The following PACSIN2 variants were observed in gnomAD, a reference collection of about 807,000 sequenced individuals.
PACSIN2 encodes the protein protein kinase C and casein kinase substrate in neurons 2.
In PACSIN2, 25 loss-of-function variants were observed where a neutral mutation model predicts 63.8. The observed-to-expected ratio is 0.39, with a 90% CI of 0.29 to 0.55. The LOEUF is 0.55. Among genes scored for constraint, PACSIN2 ranks in the 20% least tolerant of loss-of-function variants. The pLI, the probability that PACSIN2 is intolerant of heterozygous loss-of-function variation, is 0.62. For missense variants in PACSIN2, 518 were observed against 646.9 expected, an observed-to-expected ratio of 0.80 and a Z score of 2.16; for synonymous variants, 255 against 256.2, an observed-to-expected ratio of 1.00 and a Z score of 0.05.
At chr22:42,969,723 G>A (rs766309322) in intron 1 of PACSIN2, among the ~76,000 whole-genome samples, 1 of 151,884 alleles carries the variant, frequency 6.6e-6, no homozygotes, top group Non-Finnish European at 1.5e-5. Flanking sequence ...ATGATCGCTC[G>A]AGTCCACGTG....
intron 10 of PACSIN2, among the ~76,000 whole-genome samples, chr22:42,874,146 C>T: frequency 6.6e-6 from 1 of 151,848 alleles, no homozygotes; most frequent in East Asian, 1.9e-4. Flanking sequence ...ACTGCAAATG[C>T]ATTAAAAAAG....
At chr22:42,983,964 CTTTTT>C (rs532427677) in intron 1 of PACSIN2, among the ~76,000 whole-genome samples, 166 of 104,590 alleles carry the variant, frequency 1.6e-3, no homozygotes, top group South Asian at 9.1e-3. Context: ...GCACTTAGCA[CTTTTT>C]TTTTTTTTTT....
At chr22:43,007,368 A>AC (rs1260552561) in intron 1 of PACSIN2, among the ~76,000 whole-genome samples, 1 of 151,788 alleles carries the variant, frequency 6.6e-6, no homozygotes, top group Non-Finnish European at 1.5e-5. Context: ...GTCACAAACC[A>AC]CCACGCCCAG....
At chr22:42,898,498 C>T (rs1466106483) in intron 2 of PACSIN2, among the ~76,000 whole-genome samples, 3 of 152,096 alleles carry the variant, frequency 2.0e-5, no homozygotes, top group East Asian at 1.9e-4. Flanking sequence ...CTCAAACTCC[C>T]GAACTCAGGT....
At chr22:42,932,751 TAA>T (rs552740061) in intron 1 of PACSIN2, among the ~76,000 whole-genome samples, 6 of 136,710 alleles carry the variant, frequency 4.4e-5, no homozygotes, top group Admixed American at 7.2e-5. Flanking sequence ...AAGTCAATTC[TAA>T]AAAAAAAAAA....
intron 1 of PACSIN2, among the ~76,000 whole-genome samples, chr22:42,979,101 G>A (rs531705139): frequency 6.6e-6 from 1 of 152,282 alleles, no homozygotes; most frequent in African/African-American, 2.4e-5. Flanking sequence ...CCATTGCCTA[G>A]GAGAAACAGC....
chr22:42,959,870 T>G (rs924203492), intron 1 of PACSIN2: 5 of 152,316 alleles, frequency 3.3e-5, no homozygotes, highest in African/African-American at 1.2e-4. Context: ...CCTGCTGGCA[T>G]GTCTGACCTC....
At chr22:42,970,624 C>T (rs558339612) in intron 1 of PACSIN2, among the ~76,000 whole-genome samples, 2 of 152,134 alleles carry the variant, frequency 1.3e-5, no homozygotes, top group African/African-American at 4.8e-5. Flanking sequence ...AAAAGTTTAA[C>T]GAACATTCAT....
intron 1 of PACSIN2, among the ~76,000 whole-genome samples, chr22:42,925,800 T>A (rs2267474): frequency 0.2 from 30,488 of 152,060 alleles, 5,250 homozygotes; most frequent in East Asian, 0.72. Flanking sequence ...TGTGTGGTTC[T>A]ACCCTGCCTG....
At chr22:42,958,895 T>C (rs1171263767) in intron 1 of PACSIN2, among the ~76,000 whole-genome samples, 1 of 152,168 alleles carries the variant, frequency 6.6e-6, no homozygotes, top group Non-Finnish European at 1.5e-5. Context: ...AAAATCTAAT[T>C]AGAATTACAG....
intron 1 of PACSIN2, among the ~76,000 whole-genome samples, chr22:42,939,593 T>A (rs1292179268): frequency 6.6e-6 from 1 of 152,096 alleles, no homozygotes; most frequent in Non-Finnish European, 1.5e-5. Context: ...CAGGGCAACG[T>A]TTTTAACAGA....
intron 1 of PACSIN2, among the ~76,000 whole-genome samples, chr22:42,969,971 C>T (rs763782759): frequency 6.6e-5 from 10 of 151,448 alleles, no homozygotes; most frequent in Non-Finnish European, 2.9e-5. Context: ...CAACAAGTAT[C>T]AACACATGGC....
chr22:42,925,853 C>G (rs1003395368), intron 1 of PACSIN2, among the ~76,000 whole-genome samples: 3 of 152,172 alleles, frequency 2.0e-5, no homozygotes, highest in African/African-American at 7.2e-5. Context: ...TGCCTGACAA[C>G]CCAGCTGCGG....
intron 1 of PACSIN2, among the ~76,000 whole-genome samples, chr22:42,917,458 A>T (rs943444378): frequency 1.8e-4 from 27 of 151,970 alleles, no homozygotes; most frequent in East Asian, 3.9e-4. Flanking sequence ...AGTAGAAATT[A>T]AAAAAAATTA....
chr22:42,930,704 G>C (rs1055286161), intron 1 of PACSIN2, among the ~76,000 whole-genome samples: 1 of 152,222 alleles, frequency 6.6e-6, no homozygotes, highest in African/African-American at 2.4e-5. Flanking sequence ...GGGTCAGTGG[G>C]AAAGTTTAAG....
In PACSIN2 at chr22:42,884,394, A is replaced by G. The variant is rs368876422; in HGVS notation, c.777T>C (p.Asn259=). 8 of 1,611,662 alleles carry G rather than the reference A, an allele frequency of 5.0e-6. No homozygotes were observed. In the African/African-American group the frequency reaches 1.1e-4, roughly 22 times the overall value. Residue 259 remains asparagine, a synonymous_variant, in exon 6 of 11, where the codon AAT becomes AAC. Transcript: ENST00000263246. Reference sequence around the variant, plus strand: ...GCTCAAAGGAAACTTACCCAGCCACATTGGACAGGTCTAGGTGCTTCTGAA... The same window carrying G: ...GCTCAAAGGAAACTTACCCAGCCACGTTGGACAGGTCTAGGTGCTTCTGAA... The part of the protein sequence containing the change: ...LEVQKHLDLS[N]VAGYKAIYHD...
chr22:42,922,282 G>C (rs577131142), intron 1 of PACSIN2, among the ~76,000 whole-genome samples: 2 of 152,290 alleles, frequency 1.3e-5, no homozygotes, highest in East Asian at 3.9e-4. Flanking sequence ...CAGATATCAG[G>C]TAAACAAATG....
chr22:42,887,266 C>T (rs189630430), intron 5 of PACSIN2, among the ~76,000 whole-genome samples: 1 of 152,160 alleles, frequency 6.6e-6, no homozygotes, highest in Non-Finnish European at 1.5e-5. Flanking sequence ...GTGTAGATGA[C>T]GTGTTCCCCT....
intron 4 of PACSIN2, 43 bp from the exon 5 acceptor site, chr22:42,888,841 T>C: frequency 6.3e-7 from 1 of 1,599,918 alleles, no homozygotes; most frequent in East Asian, 2.2e-5. Context: ...CACTGGGAGT[T>C]CAGGATCCTC....
Sources: gnomAD v4.1 joint callset for allele counts (sites outside exome capture counted in the v4.1 genomes callset) on GRCh38, gnomAD v4.1.1 for gene constraint, MANE v1.5 for transcripts, NCBI Gene and HGNC (gene_info 2026-07-23, HGNC 2026-07-21) for gene names.